Variants in ADAM12 observed in about 807,000 individuals in gnomAD.
ADAM12 encodes the protein ADAM metallopeptidase domain 12, also known as disintegrin and metalloproteinase domain-containing protein 12.
A neutral mutation model predicts 106.4 loss-of-function variants in ADAM12; 70 were observed. The observed-to-expected ratio is 0.66, with a 90% CI of 0.54 to 0.80. ADAM12 has a LOEUF of 0.80. ADAM12 is among the 30% of genes least tolerant of loss of function. ADAM12 has a pLI of 0.00. For synonymous variants in ADAM12, 420 were observed against 433.5 expected (o/e 0.97, Z 0.39); for missense variants, 1,010 against 1,171.9 (o/e 0.86, Z 2.02).
chr10:126,116,573 C>T (rs1044103462), intron 6 of ADAM12, among the ~76,000 whole-genome samples: 1 of 151,952 alleles, frequency 6.6e-6, no homozygotes, highest in African/African-American at 2.4e-5. Context: ...TGTTCTGCCA[C>T]CAAGCAGCCA....
intron 3 of ADAM12, among the ~76,000 whole-genome samples, chr10:126,186,421 T>C (rs1319004704): frequency 6.6e-6 from 1 of 152,176 alleles, no homozygotes; most frequent in African/African-American, 2.4e-5. Flanking sequence ...TAGAAGAGCT[T>C]TGGCCTCCCT....
At position 126,373,476 on chromosome 10, in the gene ADAM12, G is replaced by A. The variant is rs183571373; in HGVS notation, c.88+14582C>T. 1.7e-4 allele frequency among the ~76,000 whole-genome samples: 26 copies of A among 152,304 alleles called. No individual in the cohort carries two copies. The East Asian group carries it at 4.6e-3, about 27-fold the overall frequency. On this transcript the variant is annotated intron_variant, in intron 1 of 22. Coordinates refer to ENST00000448723, the MANE Select transcript of ADAM12 (RefSeq NM_001288973.2). ...TTTCTGACTGAGTGTTTGGAGTACTGGAAGTTGAGAATCAAGCTGCCAAGC... is the reference window on the plus strand; with the variant it reads ...TTTCTGACTGAGTGTTTGGAGTACTAGAAGTTGAGAATCAAGCTGCCAAGC...
intron 12 of ADAM12, among the ~76,000 whole-genome samples, chr10:126,069,296 A>T (rs180925610): frequency 3.7e-4 from 56 of 152,388 alleles, no homozygotes; most frequent in Admixed American, 7.8e-4. Flanking sequence ...AATAAAAAAA[A>T]GCAAATCTAA....
In ADAM12 at chr10:126,049,313, C is replaced by T; in HGVS notation, c.1857G>A (p.Leu619=). 6.2e-7 allele frequency: 1 copy of T among 1,614,212 alleles called. No homozygotes were observed. The highest frequency in any genetic ancestry group is 2.2e-5 in the East Asian group (1 of 44,884). The part of the protein sequence containing the change: ...RILCRGTHVY[L]GDDMPDPGLV... ...GCCCTGGGTCCGGCATGTCATCGCC[C>T]AAGTACACGTGGGTCCCCCGGCACA... The change falls in exon 16 of 23, where the codon TTG becomes TTA. Residue 619 remains leucine, a synonymous_variant. Transcript: ENST00000448723. The surrounding 1 kb of genome is among the most constrained non-coding windows in gnomAD (Gnocchi z 4.4).
intron 5 of ADAM12, among the ~76,000 whole-genome samples, chr10:126,121,167 A>ATATACAC (rs1565074151): frequency 1.2e-5 from 1 of 83,764 alleles, no homozygotes; most frequent in Non-Finnish European, 2.1e-5. Context: ...TATATATACT[A>ATATACAC]TATATACTAT....
intron 3 of ADAM12, among the ~76,000 whole-genome samples, chr10:126,229,882 T>C (rs1234988968): frequency 2.0e-5 from 3 of 152,182 alleles, no homozygotes; most frequent in African/African-American, 7.2e-5. Context: ...TATTGAAGAC[T>C]CTCAAGGCCC....
At chr10:126,175,045 C>G (rs982130395) in intron 3 of ADAM12, among the ~76,000 whole-genome samples, 1 of 152,146 alleles carries the variant, frequency 6.6e-6, no homozygotes, top group African/African-American at 2.4e-5. Context: ...CATGAGCCAC[C>G]GCGCCCGGCC....
intron 5 of ADAM12, among the ~76,000 whole-genome samples, chr10:126,132,266 C>T (rs1310585760): frequency 6.6e-6 from 1 of 152,196 alleles, no homozygotes; most frequent in African/African-American, 2.4e-5. Flanking sequence ...AGCCACCGCG[C>T]CCCCGGGCAG....
intron 14 of ADAM12, among the ~76,000 whole-genome samples, chr10:126,055,102 A>G (rs924218514): frequency 1.3e-5 from 2 of 152,240 alleles, no homozygotes; most frequent in Non-Finnish European, 2.9e-5. Context: ...GTTTTTGCAC[A>G]TCCTTTGCAT....
Position 126,313,212 on chromosome 10 carries a change from A to G in ADAM12, c.186+17200T>C, listed in dbSNP as rs1324081335. Among the ~76,000 whole-genome samples the G allele has an allele frequency of 2.6e-5, 4 of 152,178 alleles. No homozygotes were observed. In the East Asian group the frequency reaches 7.7e-4, roughly 29 times the overall value. On this transcript the variant is annotated intron_variant, in intron 2 of 22. Transcript: ENST00000448723. ...TGTCGGCTTTCCATATGGTATCTCC[A>G]CAGGGCTGTTTAAGTATCTTCATGG...
At chr10:126,232,581 C>A (rs978225401) in intron 3 of ADAM12, among the ~76,000 whole-genome samples, 1 of 152,198 alleles carries the variant, frequency 6.6e-6, no homozygotes, top group African/African-American at 2.4e-5. Context: ...GCCAAGCAAT[C>A]TGCTCTCTCT....
Position 126,036,173 on chromosome 10 carries a change from T to A in ADAM12, c.2502A>T (p.Pro834=), listed in dbSNP as rs1954055685. Residue 834 remains proline, a synonymous_variant, in exon 21 of 23, where the codon CCA becomes CCT. Transcript: ENST00000448723. Reference sequence around the variant, plus strand: ...GGGCCTGCCTAAGTGCAGGCTTGGCTGGCAGGGGTCTGGCAGGGACGCTAG... The same window carrying A: ...GGGCCTGCCTAAGTGCAGGCTTGGCAGGCAGGGGTCTGGCAGGGACGCTAG... ...RAPSVPARPL[P]AKPALRQAQG... is the part of the protein sequence containing the mutation. The A allele has an allele frequency of 2.0e-6, 3 of 1,500,470 alleles. No individual in the cohort carries two copies. Among genetic ancestry groups the A allele is most frequent in the Non-Finnish European group, 2.7e-6 (3 of 1,129,500 alleles). The allele number at this position is 1,500,470 out of a possible 1,614,324, so 92.9% of individuals were successfully genotyped here.
chr10:126,241,261 G>A (rs1300249982), intron 3 of ADAM12, among the ~76,000 whole-genome samples: 1 of 152,190 alleles, frequency 6.6e-6, no homozygotes, highest in Non-Finnish European at 1.5e-5. Context: ...AGGTTTGGGG[G>A]TTGTTTTTGG....
At position 126,094,117 on chromosome 10, in the gene ADAM12, G is replaced by T; in HGVS notation, c.1013C>A (p.Pro338His). The T allele has an allele frequency of 6.2e-7, 1 of 1,613,908 alleles. No homozygotes were observed. Among genetic ancestry groups the T allele is most frequent in the Non-Finnish European group, 8.5e-7 (1 of 1,179,934 alleles). The change falls in exon 11 of 23, where the codon CCC becomes CAC. Residue 338 changes from proline (P) to histidine (H), a missense_variant. Transcript: ENST00000448723. ...GGIVMDHSDN[P>H]LGAAVTLAHE... ...TGCCAGGGTCACGGCTGCACCAAGG[G>T]GATTGTCTGAATGGTCCTCAAAGAA...
chr10:126,046,082 C>G lies in ADAM12; in HGVS notation c.1968G>C (p.Glu656Asp), dbSNP rs751889279. 3.1e-6 allele frequency: 5 copies of G among 1,614,104 alleles called. No individual in the cohort carries two copies. In the African/African-American group the frequency reaches 6.7e-5, roughly 22 times the overall value. Residue 656 changes from glutamate (E) to aspartate (D), a missense_variant, in exon 17 of 23, where the codon GAG becomes GAC. This residue lies in a region of ADAM12 where 615 missense variants were observed against 708.5 expected (regional missense o/e 0.87). Coordinates refer to ENST00000448723, the MANE Select transcript of ADAM12 (RefSeq NM_001288973.2). ...CTCTGCCGTGGCACTGCATTGCACA[C>G]TCGTGAACCCCAAAGACACTAATAT... ...CQNISVFGVHECAMQCHGRGV... is the reference protein window; with the variant it reads ...CQNISVFGVHDCAMQCHGRGV...
chr10:126,038,025 GCGCCAACAGGAT>G (rs1197230853), intron 20 of ADAM12, among the ~76,000 whole-genome samples: 2 of 152,166 alleles, frequency 1.3e-5, no homozygotes, highest in Non-Finnish European at 2.9e-5. Context: ...GGCACTGAGT[GCGCCAACAGGAT>G]CTAGGTGGGC....
At chr10:126,072,271 A>C (rs192138954) in intron 11 of ADAM12, among the ~76,000 whole-genome samples, 3 of 152,010 alleles carry the variant, frequency 2.0e-5, no homozygotes, top group Admixed American at 2.0e-4. Context: ...GGTCTAAACA[A>C]CCGGGTGCCT....
intron 3 of ADAM12, among the ~76,000 whole-genome samples, chr10:126,240,461 G>A (rs753204733): frequency 6.6e-6 from 1 of 152,208 alleles, no homozygotes; most frequent in Non-Finnish European, 1.5e-5. Context: ...CATAAAACGA[G>A]TAAACACACG....
At chr10:126,105,440 T>C (rs527772227) in intron 8 of ADAM12, among the ~76,000 whole-genome samples, 4 of 152,302 alleles carry the variant, frequency 2.6e-5, no homozygotes, top group East Asian at 1.9e-4. Flanking sequence ...CCTGAGGCCG[T>C]TGGGGCAATG....
Sources: allele counts gnomAD v4.1 joint callset (sites outside exome capture counted in the v4.1 genomes callset), GRCh38; gene constraint gnomAD v4.1.1; regional missense constraint gnomAD v4.1.1; non-coding constraint Gnocchi (gnomAD v3.1); transcripts MANE v1.5; gene names NCBI Gene and HGNC (gene_info 2026-07-23, HGNC 2026-07-21).